The following CDKAL1 variants were observed in gnomAD, a reference collection of about 807,000 sequenced individuals.
CDKAL1 encodes CDKAL1 threonylcarbamoyladenosine tRNA methylthiotransferase, also known as threonylcarbamoyladenosine tRNA methylthiotransferase.
A neutral mutation model predicts 68.2 loss-of-function variants in CDKAL1; 32 were observed. The observed-to-expected ratio is 0.47, with a 90% CI of 0.35 to 0.63. The LOEUF is 0.63. CDKAL1 is among the 30% of genes least tolerant of loss of function. The probability of loss-of-function intolerance (pLI) is 0.00; values close to 1 mark genes in which losing one functional copy is unlikely to be tolerated. For synonymous variants in CDKAL1, 234 were observed against 244.3 expected (o/e 0.96, Z 0.39); for missense variants, 606 against 696.7 (o/e 0.87, Z 1.47).
chr6:21,190,867 T>C (rs923627705), intron 13 of CDKAL1, among the ~76,000 whole-genome samples: 2 of 152,228 alleles, frequency 1.3e-5, no homozygotes, highest in African/African-American at 4.8e-5. Flanking sequence ...TTGAAATCTT[T>C]TTGTAACTCA....
chr6:20,609,501 T>G (rs1766516523), intron 4 of CDKAL1, among the ~76,000 whole-genome samples: 1 of 151,504 alleles, frequency 6.6e-6, no homozygotes, highest in African/African-American at 2.4e-5. Context: ...GTTCAAGTGA[T>G]TCTCCTGCCT....
At chr6:20,653,324 C>T (rs879750000) in intron 5 of CDKAL1, among the ~76,000 whole-genome samples, 5 of 152,192 alleles carry the variant, frequency 3.3e-5, no homozygotes, top group Non-Finnish European at 7.3e-5. Flanking sequence ...TAGTAGTGTG[C>T]ATTCTCACCA....
At position 20,659,000 on chromosome 6, in the gene CDKAL1, A is replaced by AT. The variant is rs202152780; in HGVS notation, c.371+9632dup. On this transcript the variant is annotated intron_variant, in intron 5 of 15. Coordinates refer to ENST00000274695, the MANE Select transcript of CDKAL1 (RefSeq NM_017774.3). ...CAGCCAATCTGTTATTATTATTATT[A>AT]TTTTTTTTTAGTAGAGAGGGGGTCT... 5.0e-3 allele frequency among the ~76,000 whole-genome samples: 746 copies of AT among 150,168 alleles called. 3 individuals are homozygous for AT. Among genetic ancestry groups the AT allele is most frequent in the African/African-American group, 0.017 (689 of 40,900 alleles).
At chr6:20,714,378 CTTTTTTTTTTTTTTTTT>C (rs545162371) in intron 5 of CDKAL1, among the ~76,000 whole-genome samples, 1 of 72,722 alleles carries the variant, frequency 1.4e-5, no homozygotes, top group Non-Finnish European at 2.9e-5. Context: ...ATTGTCTGTT[CTTTTTTTTTTTTTTTTT>C]TTTTTTTTTT....
intron 4 of CDKAL1, among the ~76,000 whole-genome samples, chr6:20,574,394 G>C (rs191553897): frequency 2.3e-4 from 35 of 152,176 alleles, no homozygotes; most frequent in African/African-American, 8.2e-4. Context: ...ATGATGGAAG[G>C]TACCCCTATA....
At chr6:20,761,426 A>G (rs1774459255) in intron 7 of CDKAL1, among the ~76,000 whole-genome samples, 1 of 152,226 alleles carries the variant, frequency 6.6e-6, no homozygotes, top group Non-Finnish European at 1.5e-5. Context: ...CTTGATATTT[A>G]TCCAAATGAG....
intron 4 of CDKAL1, among the ~76,000 whole-genome samples, chr6:20,638,132 G>A (rs1013620549): frequency 1.3e-5 from 2 of 152,156 alleles, no homozygotes; most frequent in Admixed American, 1.3e-4. Context: ...CTCCTTAAGT[G>A]GCGATCTGGT....
At chr6:20,746,785 A>G (rs1468756352) in intron 6 of CDKAL1, among the ~76,000 whole-genome samples, 1 of 152,226 alleles carries the variant, frequency 6.6e-6, no homozygotes, top group Non-Finnish European at 1.5e-5. Flanking sequence ...ATATATACAT[A>G]GTGAAATGAT....
chr6:21,229,474 C>T (rs1468191160), intron 15 of CDKAL1, among the ~76,000 whole-genome samples: 1 of 152,162 alleles, frequency 6.6e-6, no homozygotes, highest in Non-Finnish European at 1.5e-5. Context: ...TGCAAAGCAC[C>T]ATTCCAGTGT....
chr6:20,612,990 TACACACACACACACACAC>T (rs55999857), intron 4 of CDKAL1, among the ~76,000 whole-genome samples: 1,367 of 130,050 alleles, frequency 0.011, 24 homozygotes, highest in African/African-American at 0.027. Flanking sequence ...TTGCAATTTC[TACACACACACACACACAC>T]ACACACACAC....
intron 9 of CDKAL1, among the ~76,000 whole-genome samples, chr6:20,918,123 G>A (rs926481414): frequency 1.3e-5 from 2 of 152,208 alleles, no homozygotes; most frequent in African/African-American, 4.8e-5. Flanking sequence ...GGGGAAAAGA[G>A]GCGTAAGAGA....
At chr6:20,991,642 G>A (rs962280658) in intron 10 of CDKAL1, among the ~76,000 whole-genome samples, 3 of 147,978 alleles carry the variant, frequency 2.0e-5, no homozygotes, top group African/African-American at 7.5e-5. Flanking sequence ...AGGAGGCAGA[G>A]GTTGCAGCGA....
chr6:20,758,713 TAA>T (rs1774341367), intron 7 of CDKAL1, 70 bp downstream of exon 7: 2 of 1,052,514 alleles, frequency 1.9e-6, no homozygotes, highest in African/African-American at 3.2e-5. Flanking sequence ...ACCACTCAGG[TAA>T]CTCTTGCCAG....
intron 8 of CDKAL1, among the ~76,000 whole-genome samples, chr6:20,814,391 A>C (rs923931856): frequency 1.3e-5 from 2 of 152,066 alleles, no homozygotes; most frequent in African/African-American, 2.4e-5. Flanking sequence ...TATGACTTTT[A>C]TGCCTCTAGT....
intron 11 of CDKAL1, among the ~76,000 whole-genome samples, chr6:21,007,377 C>T (rs946955288): frequency 2.0e-5 from 3 of 149,884 alleles, no homozygotes; most frequent in East Asian, 2.0e-4. Context: ...CCCAAGTAGT[C>T]GCAGCTACTT....
chr6:20,821,579 A>G (rs1030954325), intron 8 of CDKAL1, among the ~76,000 whole-genome samples: 2 of 151,996 alleles, frequency 1.3e-5, no homozygotes, highest in African/African-American at 4.8e-5. Context: ...CCAGAGCTTA[A>G]GCTGCTCAAG....
intron 11 of CDKAL1, among the ~76,000 whole-genome samples, chr6:21,024,554 A>G (rs533970247): frequency 6.6e-6 from 1 of 152,322 alleles, no homozygotes; most frequent in East Asian, 1.9e-4. Context: ...TGAGATGATT[A>G]CAATGATAAG....
At chr6:20,919,715 T>C (rs183154428) in intron 9 of CDKAL1, among the ~76,000 whole-genome samples, 3 of 152,192 alleles carry the variant, frequency 2.0e-5, no homozygotes, top group Non-Finnish European at 4.4e-5. Context: ...ATGGGCATGA[T>C]TGGTATTTTT....
At chr6:20,920,555 A>G (rs1012544967) in intron 9 of CDKAL1, among the ~76,000 whole-genome samples, 1 of 152,210 alleles carries the variant, frequency 6.6e-6, no homozygotes, top group Non-Finnish European at 1.5e-5. Context: ...AAATCTTAAA[A>G]TAGTTTCAAA....
Sources: allele counts gnomAD v4.1 joint callset (sites outside exome capture counted in the v4.1 genomes callset), GRCh38; gene constraint gnomAD v4.1.1; transcripts MANE v1.5; gene names NCBI Gene and HGNC (gene_info 2026-07-23, HGNC 2026-07-21).